The following TMEM132C variants were observed in gnomAD, a reference collection of about 807,000 sequenced individuals.
TMEM132C encodes protein phosphatase 1, regulatory subunit 152.
In TMEM132C, 29 loss-of-function variants were observed where a neutral mutation model predicts 61.4. The observed-to-expected ratio is 0.47, with a 90% CI of 0.35 to 0.64. The LOEUF (loss-of-function observed/expected upper bound fraction) is 0.64. TMEM132C is among the 30% of genes least tolerant of loss of function. TMEM132C has a pLI of 0.00. For synonymous variants in TMEM132C, 656 were observed against 633.1 expected, an observed-to-expected ratio of 1.04 and a Z score of -0.54; for missense variants, 1,408 against 1,476.9, an observed-to-expected ratio of 0.95 and a Z score of 0.76.
intron 3 of TMEM132C, among the ~76,000 whole-genome samples, chr12:128,609,225 G>GCCTCCCTGCAACACTGTTACCCCCA (rs1876539459): frequency 3.0e-5 from 1 of 33,386 alleles, no homozygotes; most frequent in African/African-American, 1.3e-4. Flanking sequence ...TGTAACCCCC[G>GCCTCCCTGCAACACTGTTACCCCCA]CCTCCCTGCA....
At chr12:128,397,269 G>C (rs143451857) in intron 1 of TMEM132C, among the ~76,000 whole-genome samples, 1 of 152,226 alleles carries the variant, frequency 6.6e-6, no homozygotes, top group South Asian at 2.1e-4. Flanking sequence ...TAACCTGAAG[G>C]CTTTGGTCCC....
At chr12:128,582,768 A>T (rs569537226) in intron 3 of TMEM132C, among the ~76,000 whole-genome samples, 27 of 152,018 alleles carry the variant, frequency 1.8e-4, no homozygotes, top group African/African-American at 6.3e-4. Context: ...TTTTCTTCCC[A>T]GTCTCAGGTA....
intron 3 of TMEM132C, among the ~76,000 whole-genome samples, chr12:128,557,688 A>G (rs1397850643): frequency 6.6e-6 from 1 of 152,204 alleles, no homozygotes; most frequent in Non-Finnish European, 1.5e-5. Context: ...CTGAGCCACC[A>G]TGCTATGCAA....
intron 3 of TMEM132C, among the ~76,000 whole-genome samples, chr12:128,574,658 C>T (rs976842173): frequency 7.2e-5 from 11 of 152,296 alleles, no homozygotes; most frequent in Non-Finnish European, 8.8e-5. Context: ...GCAGTGTTTC[C>T]GTGTAGACTG....
intron 3 of TMEM132C, among the ~76,000 whole-genome samples, chr12:128,591,817 C>T (rs571896559): frequency 4.0e-5 from 6 of 151,826 alleles, no homozygotes; most frequent in Non-Finnish European, 8.8e-5. Flanking sequence ...TTTGGGAGGC[C>T]GAGGCAGGTG....
intron 2 of TMEM132C, among the ~76,000 whole-genome samples, chr12:128,515,586 C>A (rs538899935): frequency 1.3e-5 from 2 of 152,310 alleles, no homozygotes; most frequent in East Asian, 3.9e-4. Flanking sequence ...GTAATCCCAG[C>A]ACTTTGGGAG....
intron 1 of TMEM132C, among the ~76,000 whole-genome samples, chr12:128,279,563 A>G (rs1870814828): frequency 1.3e-5 from 2 of 151,398 alleles, no homozygotes; most frequent in African/African-American, 4.9e-5. Context: ...TCAACCCCAC[A>G]CTCTGCTCCA....
At chr12:128,434,573 C>A (rs1304140221) in intron 2 of TMEM132C, among the ~76,000 whole-genome samples, 1 of 151,924 alleles carries the variant, frequency 6.6e-6, no homozygotes, top group Non-Finnish European at 1.5e-5. Flanking sequence ...CAGGTGTGAG[C>A]CACCGCACCT....
rs2135904804 is a variant in TMEM132C at position 128,287,263 on chromosome 12, T to C, written c.85+19776T>C. On this transcript the variant is annotated intron_variant, in intron 1 of 8. Coordinates refer to ENST00000435159, the MANE Select transcript of TMEM132C (RefSeq NM_001136103.3). ...GTGCATTGAGAACCTCTGGTTTAAA[T>C]CCTGCCCACTCTGTATAAAGTACTT... Among the ~76,000 whole-genome samples, 3 of 152,322 alleles carry C rather than the reference T, an allele frequency of 2.0e-5. No individual in the cohort carries two copies. In the Middle Eastern group the frequency reaches 0.01, roughly 518 times the overall value.
intron 1 of TMEM132C, among the ~76,000 whole-genome samples, chr12:128,267,898 G>C (rs965307776): frequency 1.3e-5 from 2 of 152,220 alleles, no homozygotes. Context: ...CCTCCCGGCT[G>C]TGTGCTCCCT....
rs571452270 is a variant in TMEM132C, at chr12:128,677,816, A to C, written c.1449+8256A>C. Among the ~76,000 whole-genome samples the C allele has an allele frequency of 2.6e-5, 4 of 152,362 alleles. No individual in the cohort carries two copies. The East Asian group carries it at 7.7e-4, about 29-fold the overall frequency. On this transcript the variant is annotated intron_variant, in intron 5 of 8. Coordinates refer to ENST00000435159, the MANE Select transcript of TMEM132C (RefSeq NM_001136103.3). ...GTGCAGCCTGTCTGACCTCCAGGGC[A>C]CGATACTAGCTAATGGATCCCAGTG...
intron 2 of TMEM132C, among the ~76,000 whole-genome samples, chr12:128,537,478 G>A (rs1365427419): frequency 1.3e-5 from 2 of 152,108 alleles, no homozygotes; most frequent in African/African-American, 4.8e-5. Context: ...GCCAAGAGAG[G>A]GTCCGTTCCA....
chr12:128,696,283 T>C (rs1954763272), intron 7 of TMEM132C, among the ~76,000 whole-genome samples, 180 bp downstream of exon 7: 1 of 152,090 alleles, frequency 6.6e-6, no homozygotes, highest in Non-Finnish European at 1.5e-5. Flanking sequence ...ATGGAGAAGG[T>C]GGCAGCTGCA....
At chr12:128,306,489 A>G (rs966932004) in intron 1 of TMEM132C, among the ~76,000 whole-genome samples, 4 of 152,168 alleles carry the variant, frequency 2.6e-5, no homozygotes, top group African/African-American at 9.7e-5. Context: ...GGCGTGAGCC[A>G]CCGCACCTGG....
intron 3 of TMEM132C, among the ~76,000 whole-genome samples, chr12:128,552,773 T>A (rs1593097680): frequency 6.6e-6 from 1 of 152,206 alleles, no homozygotes; most frequent in East Asian, 1.9e-4. Flanking sequence ...CTGTTCATGG[T>A]GGTGCGTGCC....
chr12:128,413,308 A>AAAC (rs1193749957), intron 1 of TMEM132C, among the ~76,000 whole-genome samples: 1 of 150,730 alleles, frequency 6.6e-6, no homozygotes, highest in Non-Finnish European at 1.5e-5. Context: ...CAAAAAAAAA[A>AAAC]AAAAAAAAAA....
intron 1 of TMEM132C, among the ~76,000 whole-genome samples, chr12:128,405,431 G>T (rs942217162): frequency 6.6e-6 from 1 of 152,132 alleles, no homozygotes; most frequent in East Asian, 1.9e-4. Context: ...GGAGGTTCCT[G>T]GACATGGCGC....
intron 1 of TMEM132C, among the ~76,000 whole-genome samples, chr12:128,343,981 TC>T (rs1244214042): frequency 2.0e-5 from 3 of 152,210 alleles, no homozygotes; most frequent in African/African-American, 7.2e-5. Context: ...TATGAATAAT[TC>T]ATTCTTTTAT....
intron 1 of TMEM132C, among the ~76,000 whole-genome samples, chr12:128,324,403 C>G (rs531916973): frequency 6.6e-6 from 1 of 152,286 alleles, no homozygotes; most frequent in South Asian, 2.1e-4. Flanking sequence ...TTTTCTTAAT[C>G]TAGTACTTAC....
Sources: gnomAD v4.1 joint callset for allele counts (sites outside exome capture counted in the v4.1 genomes callset) on GRCh38, gnomAD v4.1.1 for gene constraint, MANE v1.5 for transcripts, NCBI Gene and HGNC (gene_info 2026-07-23, HGNC 2026-07-21) for gene names.